UNC5C: variants seen among roughly 807,000 people sequenced by gnomAD.
The protein encoded by UNC5C is netrin receptor UNC5C.
In UNC5C, 47 loss-of-function variants were observed where a neutral mutation model predicts 99.8. The ratio of observed to expected loss-of-function variants is 0.47; its 90% CI spans 0.37 to 0.60. The LOEUF is 0.60. UNC5C is among the 20% of genes least tolerant of loss of function. The pLI, the probability that UNC5C is intolerant of heterozygous loss-of-function variation, is 0.00. For missense variants in UNC5C, 1,062 were observed against 1,165.9 expected, an observed-to-expected ratio of 0.91 and a Z score of 1.30; for synonymous variants, 487 against 452.2, an observed-to-expected ratio of 1.08 and a Z score of -0.98.
intron 11 of UNC5C, among the ~76,000 whole-genome samples, chr4:95,203,494 G>C (rs547796592): frequency 6.6e-6 from 1 of 151,852 alleles, no homozygotes; most frequent in Non-Finnish European, 1.5e-5. Context: ...ATTGAAACAG[G>C]AGTCTCACTC....
chr4:95,368,128 A>C (rs1313484836), intron 1 of UNC5C, among the ~76,000 whole-genome samples: 1 of 152,188 alleles, frequency 6.6e-6, no homozygotes, highest in African/African-American at 2.4e-5. Context: ...TTTGACGTCT[A>C]AAATAACACT....
At chr4:95,358,700 A>C (rs1287492768) in intron 1 of UNC5C, among the ~76,000 whole-genome samples, 1 of 152,164 alleles carries the variant, frequency 6.6e-6, no homozygotes, top group Non-Finnish European at 1.5e-5. Context: ...TTAAATCTGG[A>C]CAAGTCTTTG....
intron 1 of UNC5C, among the ~76,000 whole-genome samples, chr4:95,533,463 A>G (rs1722703928): frequency 6.6e-6 from 1 of 151,906 alleles, no homozygotes. Context: ...AAATGATAAA[A>G]TAATTTTTAT....
chr4:95,412,811 A>G (rs1372630675), intron 1 of UNC5C, among the ~76,000 whole-genome samples: 2 of 152,166 alleles, frequency 1.3e-5, no homozygotes, highest in Admixed American at 6.5e-5. Context: ...AGAATGGGAG[A>G]GCATACGTTG....
At chr4:95,502,929 T>C (rs1389041717) in intron 1 of UNC5C, among the ~76,000 whole-genome samples, 1 of 152,224 alleles carries the variant, frequency 6.6e-6, no homozygotes, top group Non-Finnish European at 1.5e-5. Context: ...GGACTCTGAC[T>C]AACCTTACAT....
intron 1 of UNC5C, among the ~76,000 whole-genome samples, chr4:95,371,687 C>T (rs1223408048): frequency 1.3e-5 from 2 of 152,068 alleles, no homozygotes; most frequent in African/African-American, 2.4e-5. Context: ...ATGTGCAAAG[C>T]ACTGGAAACA....
At chr4:95,260,071 G>A (rs1428494772) in intron 4 of UNC5C, among the ~76,000 whole-genome samples, 3 of 152,070 alleles carry the variant, frequency 2.0e-5, no homozygotes, top group Non-Finnish European at 4.4e-5. Context: ...GTACACCTAT[G>A]TTGGTCCTAT....
intron 7 of UNC5C, chr4:95,222,148 G>T: frequency 8.1e-7 from 1 of 1,229,300 alleles, no homozygotes; most frequent in South Asian, 1.6e-5. Context: ...AGGTAAACTT[G>T]AACTAGGGGC....
intron 1 of UNC5C, among the ~76,000 whole-genome samples, chr4:95,449,953 T>G: frequency 6.6e-6 from 1 of 152,208 alleles, no homozygotes; most frequent in East Asian, 1.9e-4. Flanking sequence ...GTGGAAAATC[T>G]GGCCCGTACC....
intron 3 of UNC5C, 142 bp from the exon 4 acceptor site, chr4:95,278,504 T>A: frequency 3.1e-6 from 2 of 644,104 alleles, no homozygotes; most frequent in Non-Finnish European, 5.3e-6. Context: ...AGACAGGGTC[T>A]CACTCTGTGT....
chr4:95,331,839 C>G (rs1237537605), intron 2 of UNC5C, among the ~76,000 whole-genome samples: 1 of 151,898 alleles, frequency 6.6e-6, no homozygotes, highest in Non-Finnish European at 1.5e-5. Flanking sequence ...TTGTTATAAG[C>G]GTTCGATATT....
chr4:95,185,100 T>A lies in UNC5C; in HGVS notation c.2233A>T (p.Ile745Phe). The A allele has an allele frequency of 6.2e-7, 1 of 1,614,054 alleles. No homozygotes were observed. The highest frequency in any genetic ancestry group is 2.2e-5 in the East Asian group (1 of 44,874). Residue 745 changes from isoleucine to phenylalanine, a missense_variant, in exon 13 of 16, where the codon ATT becomes TTT. This residue lies in a region of UNC5C where 810 missense variants were observed against 854.5 expected (regional missense o/e 0.95). Transcript: ENST00000453304. ...KGSTHNLRLSIHDIAHSLWKS... is the reference protein window; with the variant it reads ...KGSTHNLRLSFHDIAHSLWKS... ...CAGAGGGAATGGGCGATATCGTGAA[T>A]TGACAGGCGCAGGTTGTGGGTGCTG...
At chr4:95,292,682 G>A (rs530010437) in intron 3 of UNC5C, among the ~76,000 whole-genome samples, 3 of 152,188 alleles carry the variant, frequency 2.0e-5, no homozygotes, top group South Asian at 2.1e-4. Flanking sequence ...GAGTGTAGAG[G>A]CAATTACGTC....
At chr4:95,408,200 G>A (rs1010381702) in intron 1 of UNC5C, among the ~76,000 whole-genome samples, 2 of 152,088 alleles carry the variant, frequency 1.3e-5, no homozygotes, top group Non-Finnish European at 2.9e-5. Flanking sequence ...AATGCAGCAA[G>A]CATATTTCAT....
At chr4:95,420,725 T>A (rs1308367575) in intron 1 of UNC5C, among the ~76,000 whole-genome samples, 1 of 152,068 alleles carries the variant, frequency 6.6e-6, no homozygotes, top group African/African-American at 2.4e-5. Context: ...TGTGGCTGAA[T>A]ACACCATCAC....
At chr4:95,328,950 C>G (rs28494154) in intron 2 of UNC5C, among the ~76,000 whole-genome samples, 20,549 of 152,112 alleles carry the variant, frequency 0.14, 1,582 homozygotes, top group African/African-American at 0.19. Flanking sequence ...CTCCCCCTCT[C>G]GAAAGCTGTT....
At chr4:95,334,647 T>C (rs965454969) in intron 2 of UNC5C, among the ~76,000 whole-genome samples, 4 of 151,986 alleles carry the variant, frequency 2.6e-5, no homozygotes, top group African/African-American at 9.7e-5. Context: ...AGAAAATTGC[T>C]ATCCTTTATA....
chr4:95,488,120 A>C (rs1183506422), intron 1 of UNC5C, among the ~76,000 whole-genome samples: 1 of 151,744 alleles, frequency 6.6e-6, no homozygotes, highest in Non-Finnish European at 1.5e-5. Context: ...GTAAGCCCAA[A>C]TGACATTTTA....
Position 95,219,027 on chromosome 4 carries a change from G to C in UNC5C, c.1587C>G (p.Ser529=). Residue 529 remains serine (S), a synonymous_variant, in exon 9 of 16, where the codon TCC becomes TCG. Transcript: ENST00000453304. ...AGTTGAAGCTGCCAAATGCGGTACA[G>C]GATGGATCAGTCTGCCTTGCTAGAC... ...NQSLARQTDP[S]CTAFGSFNSL... 6.2e-7 allele frequency: 1 copy of C among 1,614,174 alleles called. No homozygotes were observed.
Sources: gnomAD v4.1 joint callset for allele counts (sites outside exome capture counted in the v4.1 genomes callset) on GRCh38, gnomAD v4.1.1 for gene constraint, gnomAD v4.1.1 regional missense constraint, MANE v1.5 for transcripts, NCBI Gene and HGNC (gene_info 2026-07-23, HGNC 2026-07-21) for gene names.